SNTG1: variants seen among roughly 807,000 people sequenced by gnomAD.
SNTG1 encodes the protein syntrophin gamma 1, also known as gamma-1-syntrophin.
SNTG1 carries 39 observed loss-of-function variants against 74.7 expected under a neutral mutation model. The ratio of observed to expected loss-of-function variants is 0.52; its 90% CI spans 0.40 to 0.68. SNTG1 has a LOEUF of 0.68. SNTG1 is among the 30% of genes least tolerant of loss of function. The probability of loss-of-function intolerance (pLI) is 0.00; values close to 1 mark genes in which losing one functional copy is unlikely to be tolerated. For synonymous variants in SNTG1, 254 were observed against 217.1 expected (o/e 1.17, Z -1.49); for missense variants, 685 against 609.5 (o/e 1.12, Z -1.30).
chr8:50,102,562 A>G (rs1240642973), intron 1 of SNTG1, among the ~76,000 whole-genome samples: 5 of 144,930 alleles, frequency 3.4e-5, no homozygotes, highest in Admixed American at 2.7e-4. Flanking sequence ...TCTTTAGTTT[A>G]ATTAGATCCC....
intron 4 of SNTG1, 47 bp downstream of exon 4, chr8:50,402,391 T>C (rs752973695): frequency 6.4e-7 from 1 of 1,553,646 alleles, no homozygotes; most frequent in Non-Finnish European, 8.7e-7. Context: ...TTGTTTTTTG[T>C]TAATAAAAAT....
chr8:50,775,189 T>G (rs1284228893), intron 18 of SNTG1, among the ~76,000 whole-genome samples: 1 of 151,526 alleles, frequency 6.6e-6, no homozygotes, highest in Non-Finnish European at 1.5e-5. Context: ...ACATAATGCA[T>G]TTCCTTAAAT....
At chr8:50,235,393 G>A (rs1335756101) in intron 2 of SNTG1, among the ~76,000 whole-genome samples, 1 of 152,042 alleles carries the variant, frequency 6.6e-6, no homozygotes, top group Admixed American at 6.6e-5. Flanking sequence ...CCAAAACCTT[G>A]TTCTCATAAA....
chr8:50,747,344 C>A (rs1336795040), intron 17 of SNTG1, among the ~76,000 whole-genome samples: 2 of 151,940 alleles, frequency 1.3e-5, no homozygotes, highest in African/African-American at 4.8e-5. Flanking sequence ...AGACCATGGA[C>A]TTAAACTTTT....
At chr8:50,092,667 T>A (rs1366221106) in intron 1 of SNTG1, among the ~76,000 whole-genome samples, 1 of 152,206 alleles carries the variant, frequency 6.6e-6, no homozygotes, top group Admixed American at 6.5e-5. Context: ...CTTCTTAGGC[T>A]TCTTCTTCAT....
chr8:49,990,870 G>A (rs1367329064), intron 1 of SNTG1, among the ~76,000 whole-genome samples: 1 of 152,148 alleles, frequency 6.6e-6, no homozygotes, highest in Non-Finnish European at 1.5e-5. Flanking sequence ...AAGTCTTCAT[G>A]ATGGTGTGTT....
chr8:50,704,866 C>A, intron 16 of SNTG1, 114 bp downstream of exon 16: 2 of 1,250,076 alleles, frequency 1.6e-6, no homozygotes, highest in Non-Finnish European at 1.1e-6. Context: ...GAATCTTGAC[C>A]TCATATACAT....
intron 1 of SNTG1, among the ~76,000 whole-genome samples, chr8:49,962,124 G>T (rs1401756884): frequency 6.6e-6 from 1 of 152,084 alleles, no homozygotes. Flanking sequence ...GGCAGCTAAG[G>T]TCAGAGGTGG....
chr8:50,548,155 G>A (rs182052202), intron 11 of SNTG1, among the ~76,000 whole-genome samples: 68 of 152,296 alleles, frequency 4.5e-4, no homozygotes, highest in Non-Finnish European at 2.9e-5. Context: ...AGGAAGAAAA[G>A]GGTATTCATT....
chr8:50,732,435 C>A (rs888647695), intron 17 of SNTG1, among the ~76,000 whole-genome samples: 1 of 151,808 alleles, frequency 6.6e-6, no homozygotes, highest in African/African-American at 2.4e-5. Flanking sequence ...AATTTCACGT[C>A]CTTATGTTTC....
intron 8 of SNTG1, among the ~76,000 whole-genome samples, chr8:50,466,765 A>C (rs1904997): frequency 0.72 from 109,936 of 151,786 alleles, 41,446 homozygotes; most frequent in East Asian, 0.84. Context: ...ATTTTGACCC[A>C]GGTACATCAA....
intron 3 of SNTG1, among the ~76,000 whole-genome samples, chr8:50,400,996 T>C (rs2092797304): frequency 6.6e-6 from 1 of 152,182 alleles, no homozygotes; most frequent in Non-Finnish European, 1.5e-5. Flanking sequence ...AAGTGATGTA[T>C]ATGCTAATTA....
intron 1 of SNTG1, among the ~76,000 whole-genome samples, chr8:50,097,538 G>C (rs969910811): frequency 2.0e-5 from 3 of 152,006 alleles, no homozygotes; most frequent in Non-Finnish European, 4.4e-5. Context: ...TGTAGTCCCA[G>C]CTACTCGGGA....
At chr8:50,402,184 TG>T (rs1463703874) in intron 3 of SNTG1, 25 bp from the exon 4 acceptor site, 1 of 1,579,432 alleles carries the variant, frequency 6.3e-7, no homozygotes, top group African/African-American at 1.4e-5. Context: ...ATTTTTCCTC[TG>T]TTTGTTTTTT....
At chr8:50,045,284 A>C (rs1818984315) in intron 1 of SNTG1, among the ~76,000 whole-genome samples, 1 of 152,224 alleles carries the variant, frequency 6.6e-6, no homozygotes. Flanking sequence ...GCATGGCTCC[A>C]GCATCTGCTT....
chr8:49,931,006 A>C (rs1585547822), intron 1 of SNTG1, among the ~76,000 whole-genome samples: 1 of 152,250 alleles, frequency 6.6e-6, no homozygotes, highest in East Asian at 1.9e-4. Context: ...AGCAATAAGA[A>C]AAAGATACAT....
chr8:50,560,680 G>C (rs1039952832), intron 12 of SNTG1, among the ~76,000 whole-genome samples: 2 of 152,064 alleles, frequency 1.3e-5, no homozygotes, highest in African/African-American at 4.8e-5. Flanking sequence ...AGAACACGTG[G>C]ACACATCGGG....
intron 1 of SNTG1, among the ~76,000 whole-genome samples, chr8:50,005,425 C>A (rs1193613944): frequency 6.7e-6 from 1 of 150,120 alleles, no homozygotes; most frequent in African/African-American, 2.4e-5. Context: ...TAAAAAGGAA[C>A]AGTGGAGATT....
chr8:50,498,763 G>A (rs2093925828), intron 8 of SNTG1, among the ~76,000 whole-genome samples: 3 of 151,842 alleles, frequency 2.0e-5, no homozygotes, highest in Admixed American at 2.0e-4. Context: ...GTTAGTATTA[G>A]TATGTCGTGT....
Sources: allele counts gnomAD v4.1 joint callset (sites outside exome capture counted in the v4.1 genomes callset), GRCh38; gene constraint gnomAD v4.1.1; transcripts MANE v1.5; gene names NCBI Gene and HGNC (gene_info 2026-07-23, HGNC 2026-07-21).